CCDC146: variants seen among roughly 807,000 people sequenced by gnomAD.
CCDC146 encodes coiled-coil domain containing 146.
Under a neutral mutation model 119.3 loss-of-function variants are expected in CCDC146, and 92 were observed. That is an observed-to-expected ratio of 0.77 (90% CI 0.65 to 0.92). CCDC146 has a LOEUF of 0.92. CCDC146 is among the 40% of genes least tolerant of loss of function. The pLI is 0.00. For missense variants in CCDC146, 1,000 were observed against 1,103.0 expected (o/e 0.91, Z 1.32); for synonymous variants, 372 against 371.8 (o/e 1.00, Z -0.01).
chr7:77,125,343 G>A (rs1487730156), intron 1 of CCDC146, among the ~76,000 whole-genome samples: 1 of 151,042 alleles, frequency 6.6e-6, no homozygotes, highest in African/African-American at 2.4e-5. Flanking sequence ...TGCACGTATA[G>A]TATGATCTCA....
intron 2 of CCDC146, among the ~76,000 whole-genome samples, chr7:77,180,794 A>G (rs1027794808): frequency 6.6e-6 from 1 of 152,134 alleles, no homozygotes; most frequent in Non-Finnish European, 1.5e-5. Flanking sequence ...AATTGTTTTT[A>G]TTGCCAAGGC....
chr7:77,241,741 A>T lies in CCDC146; in HGVS notation c.290A>T (p.Glu97Val). 1 of 1,614,022 alleles carries T rather than the reference A, an allele frequency of 6.2e-7. No homozygotes were observed. The highest frequency in any genetic ancestry group is 8.5e-7 in the Non-Finnish European group (1 of 1,180,030). Reference protein sequence around the residue: ...QLLQNAKRFTEQIQQQQFHLQ... With the variant: ...QLLQNAKRFTVQIQQQQFHLQ... ...CTACAGAATGCCAAACGTTTCACTG[A>T]GCAAATACAACAGCAGCAGTTTCAC... Residue 97 changes from glutamate to valine, a missense_variant, in exon 4 of 19, where the codon GAG (glutamate) becomes GTG (valine). This residue lies in a region of CCDC146 where 985 missense variants were observed against 1,045.3 expected (regional missense o/e 0.94). Transcript: ENST00000285871.
intron 2 of CCDC146, among the ~76,000 whole-genome samples, chr7:77,213,471 C>A (rs1208673580): frequency 1.3e-5 from 2 of 152,048 alleles, no homozygotes; most frequent in Admixed American, 6.6e-5. Flanking sequence ...AAACATTTAT[C>A]ATTTCTTTTT....
At chr7:77,152,526 A>T (rs1335152573) in intron 1 of CCDC146, among the ~76,000 whole-genome samples, 1 of 152,200 alleles carries the variant, frequency 6.6e-6, no homozygotes, top group Non-Finnish European at 1.5e-5. Context: ...TCTTCCCCTG[A>T]CTTAGAGTTG....
At chr7:77,139,678 C>A (rs1357346742) in intron 1 of CCDC146, among the ~76,000 whole-genome samples, 1 of 151,908 alleles carries the variant, frequency 6.6e-6, no homozygotes, top group Non-Finnish European at 1.5e-5. Flanking sequence ...TCTAAAACTA[C>A]CCCCACCTCC....
intron 1 of CCDC146, among the ~76,000 whole-genome samples, chr7:77,144,521 T>G (rs1790985072): frequency 6.6e-6 from 1 of 151,846 alleles, no homozygotes; most frequent in East Asian, 1.9e-4. Flanking sequence ...GCTTCCAGTT[T>G]TTGCCTGTTC....
At chr7:77,256,570 G>T in intron 6 of CCDC146, 61 bp downstream of exon 6, 1 of 1,344,284 alleles carries the variant, frequency 7.4e-7, no homozygotes, top group South Asian at 1.3e-5. Context: ...AAGTGTGTGG[G>T]TATCAAGAGT....
chr7:77,222,137 T>C (rs1484784154), intron 2 of CCDC146, among the ~76,000 whole-genome samples: 2 of 152,076 alleles, frequency 1.3e-5, no homozygotes, highest in Non-Finnish European at 2.9e-5. Context: ...TTAGCAAGAG[T>C]GGAACTCAAA....
chr7:77,290,128 A>G (rs1793918298), intron 17 of CCDC146, among the ~76,000 whole-genome samples: 1 of 151,908 alleles, frequency 6.6e-6, no homozygotes, highest in African/African-American at 2.4e-5. Flanking sequence ...ATTCTCAGCA[A>G]ACTATCACAA....
chr7:77,171,676 A>T (rs1264185244), intron 2 of CCDC146, among the ~76,000 whole-genome samples: 1 of 152,238 alleles, frequency 6.6e-6, no homozygotes. Context: ...CGGCCTGCCC[A>T]TCAGGGCTCT....
chr7:77,201,304 G>A (rs1347334080), intron 2 of CCDC146, among the ~76,000 whole-genome samples: 1 of 152,014 alleles, frequency 6.6e-6, no homozygotes, highest in Non-Finnish European at 1.5e-5. Flanking sequence ...CACATTGGGA[G>A]GCCGAGGCAT....
chr7:77,192,795 C>T (rs973484104), intron 2 of CCDC146, among the ~76,000 whole-genome samples: 1 of 151,902 alleles, frequency 6.6e-6, no homozygotes, highest in Admixed American at 6.6e-5. Flanking sequence ...AGGTGGCAGG[C>T]GTCTGTAGTC....
chr7:77,147,816 C>T (rs1397919019), intron 1 of CCDC146, among the ~76,000 whole-genome samples: 1 of 152,236 alleles, frequency 6.6e-6, no homozygotes, highest in Non-Finnish European at 1.5e-5. Flanking sequence ...GTCAGTCTGC[C>T]TCTACTGGGA....
chr7:77,133,739 T>TG (rs1385259950), intron 1 of CCDC146, among the ~76,000 whole-genome samples: 2 of 150,720 alleles, frequency 1.3e-5, no homozygotes, highest in Non-Finnish European at 3.0e-5. Context: ...GCTTCTGGTT[T>TG]GGGGTTCTTC....
rs1467968309 is a variant in CCDC146, at chr7:77,280,567, A to G, written c.1833A>G (p.Arg611=). ...KKEAQLNNID[R]LANTITMIEE... ...AAGCCCAGTTAAATAACATTGACAG[A>G]CTTGCCAACACGATCACAATGATCG... The change falls in exon 14 of 19, where the codon AGA becomes AGG. Residue 611 remains arginine, a synonymous_variant. Transcript: ENST00000285871. 2 of 1,614,156 alleles carry G rather than the reference A, an allele frequency of 1.2e-6. No homozygotes were observed. Among genetic ancestry groups the G allele is most frequent in the Admixed American group, 3.3e-5 (2 of 60,028 alleles).
At chr7:77,237,402 C>G (rs1009802684) in intron 3 of CCDC146, among the ~76,000 whole-genome samples, 2 of 152,186 alleles carry the variant, frequency 1.3e-5, no homozygotes, top group African/African-American at 2.4e-5. Context: ...GAGATTAGCT[C>G]TTGGCACTTC....
intron 2 of CCDC146, among the ~76,000 whole-genome samples, chr7:77,178,869 T>G (rs1252673395): frequency 1.3e-5 from 2 of 152,224 alleles, no homozygotes; most frequent in Admixed American, 1.3e-4. Context: ...ATGCAATCAC[T>G]ATTTTAATAC....
chr7:77,254,981 AAAC>A (rs1461191809), intron 5 of CCDC146, among the ~76,000 whole-genome samples: 3 of 152,210 alleles, frequency 2.0e-5, no homozygotes, highest in Non-Finnish European at 4.4e-5. Context: ...TAGTGGCTTA[AAAC>A]AACAACCATT....
intron 1 of CCDC146, among the ~76,000 whole-genome samples, chr7:77,167,299 A>C (rs1208489933): frequency 6.6e-6 from 1 of 152,150 alleles, no homozygotes; most frequent in Non-Finnish European, 1.5e-5. Flanking sequence ...TTATAATAGG[A>C]TAGCTGGAGA....
Sources: gnomAD v4.1 joint callset for allele counts (sites outside exome capture counted in the v4.1 genomes callset) on GRCh38, gnomAD v4.1.1 for gene constraint, gnomAD v4.1.1 regional missense constraint, MANE v1.5 for transcripts, NCBI Gene and HGNC (gene_info 2026-07-23, HGNC 2026-07-21) for gene names.